The following AK4 variants were observed in gnomAD, a reference collection of about 807,000 sequenced individuals.
The protein encoded by AK4 is adenylate kinase 4, mitochondrial.
A neutral mutation model predicts 24.6 loss-of-function variants in AK4; 13 were observed. The ratio of observed to expected loss-of-function variants is 0.53; its 90% CI spans 0.34 to 0.84. The LOEUF (loss-of-function observed/expected upper bound fraction) is 0.84, where lower values mean the gene tolerates loss of function less well. Ranked by LOEUF, AK4 falls within the 40% of genes least tolerant of loss-of-function variation. The pLI, the probability that AK4 is intolerant of heterozygous loss-of-function variation, is 0.01. For missense variants in AK4, 192 were observed against 288.2 expected (o/e 0.67, Z 2.42); for synonymous variants, 88 against 107.0 (o/e 0.82, Z 1.10).
At position 65,224,877 on chromosome 1, in the gene AK4, G is replaced by A. The variant is rs547087895; in HGVS notation, c.557+7G>A. The A allele has an allele frequency of 1.0e-5, 16 of 1,604,354 alleles. No homozygotes were observed. In the East Asian group the frequency reaches 2.2e-4, roughly 22 times the overall value. On this transcript the variant is annotated splice_region_variant and intron_variant, in intron 4 of 4. Transcript: ENST00000327299. ...CAGTCATTGAATTATACAAGTGAGT[G>A]TGCTTCAATATTTTCATGACAAAGG...
intron 2 of AK4, among the ~76,000 whole-genome samples, chr1:65,197,241 A>G (rs752813197): frequency 6.6e-6 from 1 of 152,154 alleles, no homozygotes; most frequent in African/African-American, 2.4e-5. Context: ...TTGCCTGCTT[A>G]CTTGTGCCTT....
intron 1 of AK4, among the ~76,000 whole-genome samples, chr1:65,172,411 T>G (rs1268451465): frequency 6.6e-6 from 1 of 152,094 alleles, no homozygotes; most frequent in Non-Finnish European, 1.5e-5. Flanking sequence ...CTGCTTTGTT[T>G]TCCTCCTTTT....
rs1161986867 is a variant in AK4, at chr1:65,232,052, A to C, written c.*5875A>C. On this transcript the variant is annotated 3_prime_UTR_variant, in exon 5 of 5. Coordinates refer to ENST00000327299, the MANE Select transcript of AK4 (RefSeq NM_013410.4). Reference sequence around the variant, plus strand: ...ATCTGTATATGCTATCCTAACTGTTAATTGTATTATTGATTATGTTGATTA... The same window carrying C: ...ATCTGTATATGCTATCCTAACTGTTCATTGTATTATTGATTATGTTGATTA... The C allele has an allele frequency of 6.6e-6, 1 of 152,150 alleles. No individual in the cohort carries two copies. Among genetic ancestry groups the C allele is most frequent in the African/African-American group, 2.4e-5 (1 of 41,428 alleles). The allele number at this position is 152,150 out of a possible 1,614,324, so 9.4% of individuals were successfully genotyped here.
chr1:65,181,225 C>A (rs962649399), intron 1 of AK4, among the ~76,000 whole-genome samples: 4 of 151,230 alleles, frequency 2.6e-5, no homozygotes, highest in African/African-American at 7.3e-5. Context: ...TTATCAGTAC[C>A]CCATAGCTCC....
chr1:65,195,684 AG>A (rs1285176482), intron 2 of AK4, among the ~76,000 whole-genome samples: 1 of 152,126 alleles, frequency 6.6e-6, no homozygotes, highest in Non-Finnish European at 1.5e-5. Flanking sequence ...ATTAGCAAAG[AG>A]GGGCAAAGTG....
intron 1 of AK4, among the ~76,000 whole-genome samples, chr1:65,152,650 C>T (rs1265722006): frequency 2.0e-5 from 3 of 151,676 alleles, no homozygotes; most frequent in Admixed American, 6.6e-5. Flanking sequence ...CTGCCTGCCT[C>T]GGCCTCCCAA....
Position 65,231,423 on chromosome 1 carries a change from A to C in AK4, c.*5246A>C, listed in dbSNP as rs1049323356. The C allele has an allele frequency of 6.6e-6, 1 of 152,158 alleles. No individual in the cohort carries two copies. The highest frequency in any genetic ancestry group is 1.5e-5 in the Non-Finnish European group (1 of 68,040). The allele number at this position is 152,158 out of a possible 1,614,324, so 9.4% of individuals were successfully genotyped here. ...AAAGCTCTTGTATGGCATAGATATGAATTCCTTCCTCTGGTAATAATTAGG... is the reference window on the plus strand; with the variant it reads ...AAAGCTCTTGTATGGCATAGATATGCATTCCTTCCTCTGGTAATAATTAGG... On this transcript the variant is annotated 3_prime_UTR_variant, in exon 5 of 5. Coordinates refer to ENST00000327299, the MANE Select transcript of AK4 (RefSeq NM_013410.4).
chr1:65,177,699 C>T (rs1650763559), intron 1 of AK4, among the ~76,000 whole-genome samples: 1 of 152,186 alleles, frequency 6.6e-6, no homozygotes, highest in South Asian at 2.1e-4. Context: ...CAAGCATCCA[C>T]TTGTTGGGAA....
chr1:65,215,674 G>C (rs1280492862), intron 2 of AK4, among the ~76,000 whole-genome samples: 1 of 152,204 alleles, frequency 6.6e-6, no homozygotes, highest in Non-Finnish European at 1.5e-5. Flanking sequence ...GTAGGTAGCA[G>C]GTGCTATCCA....
chr1:65,190,455 G>T (rs371838729), intron 1 of AK4, among the ~76,000 whole-genome samples: 4 of 146,646 alleles, frequency 2.7e-5, no homozygotes, highest in Non-Finnish European at 6.0e-5. Flanking sequence ...TTTTTGGGGG[G>T]GGGGCGGGAG....
chr1:65,207,917 A>G (rs571081330), intron 2 of AK4, among the ~76,000 whole-genome samples: 6 of 152,314 alleles, frequency 3.9e-5, no homozygotes, highest in African/African-American at 1.4e-4. Context: ...TATATGGAAT[A>G]TATACCACAT....
At chr1:65,193,616 G>A (rs2101045252) in intron 2 of AK4, among the ~76,000 whole-genome samples, 1 of 152,282 alleles carries the variant, frequency 6.6e-6, no homozygotes, top group East Asian at 1.9e-4. Context: ...ACAGTAAGGG[G>A]TGTGGGAAGG....
At chr1:65,180,816 G>A (rs1440979340) in intron 1 of AK4, among the ~76,000 whole-genome samples, 1 of 152,092 alleles carries the variant, frequency 6.6e-6, no homozygotes, top group African/African-American at 2.4e-5. Flanking sequence ...GTGCGCAGGT[G>A]CGCACACACG....
chr1:65,221,393 C>T (rs1429293811), intron 3 of AK4, among the ~76,000 whole-genome samples: 1 of 152,104 alleles, frequency 6.6e-6, no homozygotes, highest in African/African-American at 2.4e-5. Flanking sequence ...TCAGTAAAGT[C>T]CCAGTGAGAC....
chr1:65,194,786 T>C lies in AK4; in HGVS notation c.265+3957T>C, dbSNP rs1330893271. Among the ~76,000 whole-genome samples the C allele has an allele frequency of 1.3e-5, 2 of 152,176 alleles. 1 individual carries two copies. The highest frequency in any genetic ancestry group is 4.8e-5 in the African/African-American group (2 of 41,446). On this transcript the variant is annotated intron_variant, in intron 2 of 4. Coordinates refer to ENST00000327299, the MANE Select transcript of AK4 (RefSeq NM_013410.4). ...GCCCACTGAGTAATTTCTAAGAAGA[T>C]TCAGACCTTCCCTACAGCTCCCCTC...
At chr1:65,215,860 T>C (rs4916031) in intron 2 of AK4, among the ~76,000 whole-genome samples, 52,283 of 152,026 alleles carry the variant, frequency 0.34, 9,762 homozygotes, top group East Asian at 0.69. Flanking sequence ...TGTTATGTTA[T>C]CTTTTAGAGC....
intron 2 of AK4, among the ~76,000 whole-genome samples, chr1:65,208,375 G>A (rs1350287169): frequency 6.6e-6 from 1 of 152,178 alleles, no homozygotes; most frequent in Non-Finnish European, 1.5e-5. Flanking sequence ...GGTTTTGGTG[G>A]TAATTAATTT....
At chr1:65,165,491 T>G (rs986068358) in intron 1 of AK4, among the ~76,000 whole-genome samples, 3 of 151,350 alleles carry the variant, frequency 2.0e-5, no homozygotes, top group Non-Finnish European at 4.4e-5. Flanking sequence ...AAGGCTGTAG[T>G]GCATGATGAT....
upstream of AK4, chr1:65,148,139 G>C (rs542556850): frequency 3.2e-6 from 2 of 619,362 alleles, no homozygotes; most frequent in South Asian, 2.9e-5. Flanking sequence ...AGCTTTGCGT[G>C]GGGGCGAGGA....
Sources: gnomAD v4.1 joint callset for allele counts (sites outside exome capture counted in the v4.1 genomes callset) on GRCh38, gnomAD v4.1.1 for gene constraint, MANE v1.5 for transcripts, NCBI Gene and HGNC (gene_info 2026-07-23, HGNC 2026-07-21) for gene names.